The following DLC1 variants were observed in gnomAD, a reference collection of about 807,000 sequenced individuals.
DLC1 encodes rho GTPase-activating protein 7.
DLC1 carries 54 observed loss-of-function variants against 140.3 expected under a neutral mutation model. The observed-to-expected ratio is 0.38, with a 90% CI of 0.31 to 0.48. The LOEUF is 0.48. DLC1 is among the 20% of genes least tolerant of loss of function. The pLI is 0.96. For missense variants in DLC1, 2,536 were observed against 1,907.0 expected (o/e 1.33, Z -6.14); for synonymous variants, 986 against 728.1 (o/e 1.35, Z -5.70).
intron 5 of DLC1, chr8:13,116,188 A>G (rs1820544527): frequency 1.0e-6 from 1 of 985,536 alleles, no homozygotes; most frequent in Non-Finnish European, 1.2e-6. Flanking sequence ...CTCATCAGGT[A>G]TTAATCCAGT....
At chr8:13,531,456 G>C (rs953458497) in intron 1 of DLC1, among the ~76,000 whole-genome samples, 1 of 152,014 alleles carries the variant, frequency 6.6e-6, no homozygotes, top group Non-Finnish European at 1.5e-5. Context: ...CATGGTGATG[G>C]GGGCCTATAA....
chr8:13,351,610 A>G (rs1179987548), intron 4 of DLC1, among the ~76,000 whole-genome samples: 1 of 152,210 alleles, frequency 6.6e-6, no homozygotes, highest in Non-Finnish European at 1.5e-5. Context: ...GAACACATCC[A>G]TGTACATTGG....
chr8:13,453,521 TATATATGTATATATATAC>T (rs1799243570), intron 2 of DLC1, among the ~76,000 whole-genome samples: 1 of 45,736 alleles, frequency 2.2e-5, no homozygotes, highest in Non-Finnish European at 4.0e-5. Context: ...TATACATATA[TATATATGTATATATATAC>T]ATATATATAT....
chr8:13,117,666 G>A (rs1820673256), intron 5 of DLC1, among the ~76,000 whole-genome samples: 1 of 152,238 alleles, frequency 6.6e-6, no homozygotes, highest in Admixed American at 6.5e-5. Context: ...TTGTTAAAAA[G>A]TAAATGTGCT....
At chr8:13,509,297 A>G (rs1802251826) in intron 1 of DLC1, among the ~76,000 whole-genome samples, 1 of 152,196 alleles carries the variant, frequency 6.6e-6, no homozygotes, top group African/African-American at 2.4e-5. Context: ...AGTTGACAGT[A>G]GGGAATTACA....
At chr8:13,120,974 T>C (rs1411581143) in intron 5 of DLC1, among the ~76,000 whole-genome samples, 1 of 152,184 alleles carries the variant, frequency 6.6e-6, no homozygotes, top group Non-Finnish European at 1.5e-5. Context: ...AAACAAGATA[T>C]GATTACTTCA....
intron 2 of DLC1, among the ~76,000 whole-genome samples, chr8:13,453,664 A>G (rs1028655681): frequency 3.4e-5 from 5 of 146,848 alleles, no homozygotes; most frequent in African/African-American, 7.6e-5. Flanking sequence ...TCTCATGACT[A>G]TCCTCAAAAG....
chr8:13,495,654 C>T (rs989289145), intron 2 of DLC1, among the ~76,000 whole-genome samples: 1 of 152,064 alleles, frequency 6.6e-6, no homozygotes, highest in East Asian at 1.9e-4. Context: ...CAAATGTAAT[C>T]CCCTCCAATT....
chr8:13,595,084 C>G (rs1805641329), intron 1 of DLC1, among the ~76,000 whole-genome samples: 1 of 151,876 alleles, frequency 6.6e-6, no homozygotes, highest in Non-Finnish European at 1.5e-5. Context: ...GCCAGAGAAT[C>G]TGAATGTAAT....
At chr8:13,178,496 C>T (rs1286417200) in intron 5 of DLC1, among the ~76,000 whole-genome samples, 1 of 149,780 alleles carries the variant, frequency 6.7e-6, no homozygotes, top group African/African-American at 2.5e-5. Context: ...GGCGTGAACC[C>T]GGGAGGCAGA....
intron 7 of DLC1, among the ~76,000 whole-genome samples, chr8:13,104,149 G>A (rs1163438210): frequency 2.0e-5 from 3 of 151,802 alleles, no homozygotes; most frequent in Admixed American, 6.6e-5. Flanking sequence ...CTATAGTCAC[G>A]GCAAATGATC....
intron 4 of DLC1, among the ~76,000 whole-genome samples, chr8:13,333,080 A>G (rs1239341392): frequency 6.6e-6 from 1 of 152,222 alleles, no homozygotes; most frequent in African/African-American, 2.4e-5. Context: ...CAGTTTTTTC[A>G]TATTGCACTT....
At chr8:13,348,822 G>T (rs927233885) in intron 4 of DLC1, among the ~76,000 whole-genome samples, 1 of 152,180 alleles carries the variant, frequency 6.6e-6, no homozygotes, top group Admixed American at 6.5e-5. Flanking sequence ...TAGGTGGACT[G>T]TTGGCAGCTA....
intron 5 of DLC1, among the ~76,000 whole-genome samples, chr8:13,282,064 G>T (rs187664308): frequency 1.3e-5 from 2 of 152,054 alleles, no homozygotes; most frequent in Admixed American, 6.6e-5. Flanking sequence ...CATAGGGTGG[G>T]GACTCGTCCC....
intron 5 of DLC1, among the ~76,000 whole-genome samples, chr8:13,142,238 G>A (rs1823057669): frequency 6.6e-6 from 1 of 152,156 alleles, no homozygotes; most frequent in African/African-American, 2.4e-5. Context: ...CCAGTCTTGG[G>A]TATTTCTTTA....
intron 2 of DLC1, among the ~76,000 whole-genome samples, chr8:13,458,814 A>G (rs948864557): frequency 2.0e-4 from 29 of 147,172 alleles, no homozygotes; most frequent in Non-Finnish European, 9.1e-5. Context: ...CCAAGCCCAC[A>G]GTCTTTCTTC....
At chr8:13,455,019 T>C (rs1463569963) in intron 2 of DLC1, among the ~76,000 whole-genome samples, 1 of 152,172 alleles carries the variant, frequency 6.6e-6, no homozygotes, top group Non-Finnish European at 1.5e-5. Flanking sequence ...AAGTGCCTGA[T>C]ACACGGTAGA....
chr8:13,539,207 G>GTATGTATT (rs1330933976), intron 1 of DLC1, among the ~76,000 whole-genome samples: 5 of 152,000 alleles, frequency 3.3e-5, no homozygotes, highest in South Asian at 2.1e-4. Flanking sequence ...ATGTATGTAT[G>GTATGTATT]TATTTATTTT....
intron 5 of DLC1, among the ~76,000 whole-genome samples, chr8:13,128,615 G>A (rs1821794621): frequency 6.6e-6 from 1 of 152,142 alleles, no homozygotes; most frequent in Admixed American, 6.5e-5. Context: ...GGCGGATCAC[G>A]AGGTCAGGAG....
Sources: gnomAD v4.1 joint callset for allele counts (sites outside exome capture counted in the v4.1 genomes callset) on GRCh38, gnomAD v4.1.1 for gene constraint, MANE v1.5 for transcripts, NCBI Gene and HGNC (gene_info 2026-07-23, HGNC 2026-07-21) for gene names.